ATP6V0D2: variants seen among roughly 807,000 people sequenced by gnomAD.
ATP6V0D2 encodes ATPase H+ transporting V0 subunit d2, also known as V-type proton ATPase subunit d 2.
Under a neutral mutation model 40.0 loss-of-function variants are expected in ATP6V0D2, and 40 were observed. The observed-to-expected ratio is 1.00, with a 90% CI of 0.78 to 1.30. The LOEUF (loss-of-function observed/expected upper bound fraction) is 1.30. ATP6V0D2 is among the 50% of genes most tolerant of loss of function. The pLI, the probability that ATP6V0D2 is intolerant of heterozygous loss-of-function variation, is 0.00. For synonymous variants in ATP6V0D2, 179 were observed against 156.3 expected, an observed-to-expected ratio of 1.15 and a Z score of -1.08; for missense variants, 470 against 423.1, an observed-to-expected ratio of 1.11 and a Z score of -0.97.
chr8:86,136,922 C>A (rs1818905075), intron 2 of ATP6V0D2, among the ~76,000 whole-genome samples: 2 of 152,326 alleles, frequency 1.3e-5, no homozygotes, highest in South Asian at 4.1e-4. Flanking sequence ...CTTCCTCCTT[C>A]TGATCTGCGA....
At chr8:86,125,311 C>T (rs999338779) in intron 2 of ATP6V0D2, among the ~76,000 whole-genome samples, 1 of 152,234 alleles carries the variant, frequency 6.6e-6, no homozygotes, top group Non-Finnish European at 1.5e-5. Context: ...ACCTGTTTTC[C>T]AAAACACTAC....
intron 5 of ATP6V0D2, among the ~76,000 whole-genome samples, chr8:86,146,303 G>T (rs1563566656): frequency 6.6e-6 from 1 of 152,188 alleles, no homozygotes; most frequent in Non-Finnish European, 1.5e-5. Context: ...CTGGGATGAT[G>T]TGATCAAACT....
chr8:86,124,488 G>T (rs1818713896), intron 2 of ATP6V0D2, among the ~76,000 whole-genome samples: 1 of 152,152 alleles, frequency 6.6e-6, no homozygotes. Flanking sequence ...GTTCTGGAAT[G>T]CAGTCAATGA....
chr8:86,141,095 G>T (rs998509882), intron 3 of ATP6V0D2, among the ~76,000 whole-genome samples: 2 of 152,104 alleles, frequency 1.3e-5, no homozygotes, highest in African/African-American at 4.8e-5. Context: ...AGGAGGGGGA[G>T]CTCAGGTGGT....
At chr8:86,133,316 CTTTTTT>C (rs1242479597) in intron 2 of ATP6V0D2, among the ~76,000 whole-genome samples, 15 of 77,298 alleles carry the variant, frequency 1.9e-4, no homozygotes, top group African/African-American at 5.3e-4. Flanking sequence ...AACAGAAAGT[CTTTTTT>C]TTTTTTTTTT....
chr8:86,151,316 C>T (rs1015639269), intron 6 of ATP6V0D2, 150 bp from the exon 7 acceptor site: 50 of 585,780 alleles, frequency 8.5e-5, no homozygotes, highest in East Asian at 5.1e-4. Flanking sequence ...ATTGTTTCTT[C>T]GGGAGGCCAA....
intron 1 of ATP6V0D2, among the ~76,000 whole-genome samples, chr8:86,109,197 C>G (rs931376737): frequency 2.6e-5 from 4 of 152,066 alleles, no homozygotes; most frequent in Non-Finnish European, 5.9e-5. Flanking sequence ...GTAGTAAAGG[C>G]TTTTAATTCC....
chr8:86,110,819 C>G (rs1386191928), intron 1 of ATP6V0D2, among the ~76,000 whole-genome samples: 2 of 152,054 alleles, frequency 1.3e-5, no homozygotes, highest in Non-Finnish European at 2.9e-5. Flanking sequence ...GAGGGACTCA[C>G]GGTAAGATTC....
intron 5 of ATP6V0D2, among the ~76,000 whole-genome samples, chr8:86,145,370 G>GA (rs33955030): frequency 0.15 from 10,527 of 69,768 alleles, 1,100 homozygotes; most frequent in East Asian, 0.28. Context: ...AGGAAGGAAG[G>GA]AAGGAAAGAA....
intron 2 of ATP6V0D2, among the ~76,000 whole-genome samples, chr8:86,124,593 A>G (rs1818715352): frequency 6.6e-6 from 1 of 152,184 alleles, no homozygotes; most frequent in Non-Finnish European, 1.5e-5. Flanking sequence ...ACAATATACC[A>G]ACTGTAGGAC....
At chr8:86,100,040 A>T (rs1166153908) in intron 1 of ATP6V0D2, among the ~76,000 whole-genome samples, 2 of 81,426 alleles carry the variant, frequency 2.5e-5, no homozygotes, top group African/African-American at 3.7e-4. Context: ...AACTGAAGTT[A>T]AAAAAAAAAA....
intron 2 of ATP6V0D2, among the ~76,000 whole-genome samples, chr8:86,118,195 G>GA (rs979517199): frequency 1.4e-5 from 2 of 145,272 alleles, no homozygotes; most frequent in African/African-American, 2.5e-5. Context: ...GGAGTAGTTG[G>GA]AATTACAGGC....
At chr8:86,129,638 C>A (rs894777292) in intron 2 of ATP6V0D2, among the ~76,000 whole-genome samples, 1 of 151,910 alleles carries the variant, frequency 6.6e-6, no homozygotes, top group African/African-American at 2.4e-5. Flanking sequence ...ATGGTGAAAC[C>A]CCATCTCTAC....
chr8:86,144,146 A>T (rs185839443), intron 5 of ATP6V0D2, among the ~76,000 whole-genome samples: 1 of 152,316 alleles, frequency 6.6e-6, no homozygotes, highest in African/African-American at 2.4e-5. Flanking sequence ...CACAGATTTC[A>T]TCTATGCTTA....
chr8:86,134,404 T>C (rs1586097866), intron 2 of ATP6V0D2, among the ~76,000 whole-genome samples: 2 of 152,166 alleles, frequency 1.3e-5, no homozygotes, highest in South Asian at 2.1e-4. Context: ...GAGAAAAATA[T>C]GGGTAAATAC....
At chr8:86,116,948 AT>A (rs2130242899) in intron 2 of ATP6V0D2, among the ~76,000 whole-genome samples, 1 of 152,232 alleles carries the variant, frequency 6.6e-6, no homozygotes, top group East Asian at 1.9e-4. Context: ...CTTTGCTTCA[AT>A]TTATATTTCT....
intron 2 of ATP6V0D2, among the ~76,000 whole-genome samples, chr8:86,119,199 T>A (rs1048803309): frequency 6.7e-6 from 1 of 150,052 alleles, no homozygotes. Flanking sequence ...TCACTGATGA[T>A]CCCACAGATT....
chr8:86,103,739 T>C (rs201839976), intron 1 of ATP6V0D2, among the ~76,000 whole-genome samples: 171 of 152,308 alleles, frequency 1.1e-3, no homozygotes, highest in African/African-American at 4.0e-3. Flanking sequence ...CAAATGCTTA[T>C]ACACTTTGTC....
intron 2 of ATP6V0D2, among the ~76,000 whole-genome samples, chr8:86,118,350 A>G (rs1818624837): frequency 6.6e-6 from 1 of 151,328 alleles, no homozygotes; most frequent in African/African-American, 2.4e-5. Context: ...CTGGGATTAC[A>G]GGCGTGAGCC....
Sources: allele counts gnomAD v4.1 joint callset (sites outside exome capture counted in the v4.1 genomes callset), GRCh38; gene constraint gnomAD v4.1.1; transcripts MANE v1.5; gene names NCBI Gene and HGNC (gene_info 2026-07-23, HGNC 2026-07-21).